Variants in RBFOX1 observed in about 807,000 individuals in gnomAD.
RBFOX1 encodes the protein RNA binding fox-1 homolog 1, also known as RNA binding protein fox-1 homolog 1.
A neutral mutation model predicts 57.7 loss-of-function variants in RBFOX1; 8 were observed. That is an observed-to-expected ratio of 0.14 (90% CI 0.08 to 0.25). RBFOX1 has a LOEUF of 0.25. RBFOX1 is among the 10% of genes least tolerant of loss of function. The pLI, the probability that RBFOX1 is intolerant of heterozygous loss-of-function variation, is 1.00. For missense variants in RBFOX1, 611 were observed against 548.5 expected (o/e 1.11, Z -1.14); for synonymous variants, 326 against 222.4 (o/e 1.47, Z -4.15).
chr16:6,116,318 G>T (rs2096495460), intron 1 of RBFOX1, among the ~76,000 whole-genome samples: 1 of 152,136 alleles, frequency 6.6e-6, no homozygotes, highest in East Asian at 1.9e-4. Context: ...CCCTAATGTA[G>T]ATGACAGGTT....
At chr16:6,988,934 G>A (rs7200377) in intron 3 of RBFOX1, among the ~76,000 whole-genome samples, 1 of 151,842 alleles carries the variant, frequency 6.6e-6, no homozygotes, top group Non-Finnish European at 1.5e-5. Context: ...ACCATGCCTG[G>A]CTAATTTTTA....
chr16:5,472,135 C>A (rs541799773), intron 2 of RBFOX1, among the ~76,000 whole-genome samples: 100 of 152,208 alleles, frequency 6.6e-4, no homozygotes, highest in African/African-American at 2.4e-3. Flanking sequence ...CTTATTATCA[C>A]GGCTCTCTCC....
intron 1 of RBFOX1, among the ~76,000 whole-genome samples, chr16:6,124,537 C>T (rs1183800746): frequency 6.6e-6 from 1 of 152,140 alleles, no homozygotes; most frequent in Non-Finnish European, 1.5e-5. Context: ...CAGTCTCCCT[C>T]TGTTGCCCAG....
At chr16:6,471,986 TC>T (rs1341421748) in intron 2 of RBFOX1, among the ~76,000 whole-genome samples, 4 of 152,172 alleles carry the variant, frequency 2.6e-5, no homozygotes, top group Admixed American at 1.3e-4. Context: ...ACTCCTGATT[TC>T]TCTTTATCTC....
In RBFOX1 at chr16:6,559,336, G is replaced by C. The variant is rs2097148243; in HGVS notation, c.-63-95267G>C. On this transcript the variant is annotated intron_variant, in intron 2 of 15. Coordinates refer to ENST00000550418, the MANE Select transcript of RBFOX1 (RefSeq NM_018723.4). ...TCACATATATTTAGAACATGTATAT[G>C]TATGTGTGTATATGTGTGTATATAT... 2.6e-5 allele frequency among the ~76,000 whole-genome samples: 4 copies of C among 151,874 alleles called. No homozygotes were observed. The South Asian group carries it at 6.2e-4, about 24-fold the overall frequency.
intron 3 of RBFOX1, among the ~76,000 whole-genome samples, chr16:5,641,300 G>A (rs1368597542): frequency 6.6e-6 from 1 of 152,194 alleles, no homozygotes; most frequent in Non-Finnish European, 1.5e-5. Flanking sequence ...TACAGTGGAA[G>A]GGAAAAGACA....
At chr16:5,681,016 A>G (rs1283678434) in intron 3 of RBFOX1, among the ~76,000 whole-genome samples, 1 of 151,958 alleles carries the variant, frequency 6.6e-6, no homozygotes, top group Non-Finnish European at 1.5e-5. Flanking sequence ...TAAAATGATG[A>G]GTTTCTAGGG....
intron 4 of RBFOX1, among the ~76,000 whole-genome samples, chr16:7,511,244 A>G (rs1009366073): frequency 6.6e-6 from 1 of 152,240 alleles, no homozygotes; most frequent in African/African-American, 2.4e-5. Flanking sequence ...ATTTTGAGCC[A>G]AAAGGTTTTG....
chr16:7,399,723 G>T (rs1206597590), intron 4 of RBFOX1, among the ~76,000 whole-genome samples: 1 of 89,684 alleles, frequency 1.1e-5, no homozygotes, highest in Non-Finnish European at 2.4e-5. Flanking sequence ...AGTTTAAGAT[G>T]ACCCCATATC....
chr16:5,917,220 G>A (rs1308568882), intron 4 of RBFOX1, among the ~76,000 whole-genome samples: 1 of 152,154 alleles, frequency 6.6e-6, no homozygotes, highest in Non-Finnish European at 1.5e-5. Context: ...CCACACCCCA[G>A]AGGAGAGACT....
chr16:6,578,417 C>G (rs984522244), intron 2 of RBFOX1, among the ~76,000 whole-genome samples: 3 of 152,176 alleles, frequency 2.0e-5, no homozygotes, highest in Non-Finnish European at 4.4e-5. Context: ...TCTCATCCAT[C>G]TGTCCTTGGC....
intron 2 of RBFOX1, among the ~76,000 whole-genome samples, chr16:5,470,303 A>G (rs1217052067): frequency 6.6e-6 from 1 of 152,184 alleles, no homozygotes; most frequent in Non-Finnish European, 1.5e-5. Context: ...AAGGGGAGAC[A>G]GGCTCTTCTC....
intron 3 of RBFOX1, among the ~76,000 whole-genome samples, chr16:5,807,159 A>G (rs1415853271): frequency 1.3e-5 from 2 of 151,976 alleles, no homozygotes; most frequent in African/African-American, 4.8e-5. Context: ...CAATTACTTA[A>G]CCTCTCAGAG....
intron 3 of RBFOX1, among the ~76,000 whole-genome samples, chr16:5,715,379 A>G (rs2051657294): frequency 6.6e-6 from 1 of 152,142 alleles, no homozygotes; most frequent in Non-Finnish European, 1.5e-5. Flanking sequence ...TATTGTCCAC[A>G]CTTACTCAAG....
intron 7 of RBFOX1, 40 bp from the exon 8 acceptor site, chr16:7,595,509 T>C: frequency 6.9e-7 from 1 of 1,454,082 alleles, no homozygotes; most frequent in Non-Finnish European, 9.4e-7. Context: ...ACTGAAATAA[T>C]AATCTGCATG....
In RBFOX1 at chr16:7,567,160, TATCCATATATATATCCCTATATAA is replaced by T. The variant is rs1309117302; in HGVS notation, c.271-12614_271-12591del. 2.6e-4 allele frequency among the ~76,000 whole-genome samples: 38 copies of T among 146,566 alleles called. 1 individual carries two copies. Among genetic ancestry groups the T allele is most frequent in the African/African-American group, 8.6e-4 (34 of 39,612 alleles). On this transcript the variant is annotated intron_variant, in intron 5 of 15. Coordinates refer to ENST00000550418, the MANE Select transcript of RBFOX1 (RefSeq NM_018723.4). ...ATATCCATATATATCCCTATATATATATCCATATATATATCCCTATATAAATATCCATATATATATCCCTATATA... is the reference window on the plus strand; with the variant it reads ...ATATCCATATATATCCCTATATATATATATCCATATATATATCCCTATATA...
At chr16:5,738,592 C>T (rs2052662915) in intron 3 of RBFOX1, among the ~76,000 whole-genome samples, 1 of 129,234 alleles carries the variant, frequency 7.7e-6, no homozygotes, top group South Asian at 2.6e-4. Context: ...CGAGATTGCA[C>T]AACTGTACTG....
intron 3 of RBFOX1, among the ~76,000 whole-genome samples, chr16:6,932,935 C>G (rs113561891): frequency 6.6e-6 from 1 of 152,288 alleles, no homozygotes; most frequent in Non-Finnish European, 1.5e-5. Flanking sequence ...CTACTATTCT[C>G]CTTTCTGTCT....
chr16:7,514,599 G>T (rs2075941567), intron 4 of RBFOX1, among the ~76,000 whole-genome samples: 1 of 152,124 alleles, frequency 6.6e-6, no homozygotes, highest in Non-Finnish European at 1.5e-5. Context: ...AGGAAAGCCT[G>T]CTGGAGGAGG....
Sources: allele counts gnomAD v4.1 joint callset (sites outside exome capture counted in the v4.1 genomes callset), GRCh38; gene constraint gnomAD v4.1.1; transcripts MANE v1.5; gene names NCBI Gene and HGNC (gene_info 2026-07-23, HGNC 2026-07-21).